KCNC1: variants seen among roughly 807,000 people sequenced by gnomAD.
KCNC1 encodes voltage-gated potassium channel KCNC1.
Under a neutral mutation model 43.4 loss-of-function variants are expected in KCNC1, and 8 were observed. The observed-to-expected ratio is 0.18, with a 90% CI of 0.11 to 0.33. KCNC1 has a LOEUF of 0.33. KCNC1 is among the 10% of genes least tolerant of loss of function. The pLI, the probability that KCNC1 is intolerant of heterozygous loss-of-function variation, is 1.00. For synonymous variants in KCNC1, 361 were observed against 360.5 expected (o/e 1.00, Z -0.01); for missense variants, 420 against 836.0 (o/e 0.50, Z 6.14).
intron 2 of KCNC1, chr11:17,772,978 TG>T: frequency 9.1e-7 from 1 of 1,100,722 alleles, no homozygotes; most frequent in Non-Finnish European, 1.1e-6. Context: ...TGGGACAGAG[TG>T]GGGGCGGGTG....
At position 17,781,359 on chromosome 11, in the gene KCNC1, G is replaced by A; in HGVS notation, c.1694-311G>A. The A allele has an allele frequency of 1.5e-5, 5 of 332,070 alleles. No individual in the cohort carries two copies. Among genetic ancestry groups the A allele is most frequent in the Non-Finnish European group, 1.7e-5 (3 of 181,210 alleles). 20.6% of individuals were successfully genotyped at this position (332,070 alleles called of 1,614,324 possible). On this transcript the variant is annotated intron_variant, in intron 3 of 3. Transcript: ENST00000265969. The surrounding 1 kb of genome is among the most constrained non-coding windows in gnomAD (Gnocchi z 5.1). ...CCCCACCTACATCCATTCGGCCCGC[G>A]CTCTCATGGAGCCACGACAGCCGCC... is the stretch of plus-strand genomic sequence containing the variant.
intron 1 of KCNC1, among the ~76,000 whole-genome samples, chr11:17,749,060 G>A (rs1848934977): frequency 6.6e-6 from 1 of 152,210 alleles, no homozygotes; most frequent in Non-Finnish European, 1.5e-5. Context: ...AGGTGTGCCG[G>A]GAGAAGATGG....
intron 1 of KCNC1, among the ~76,000 whole-genome samples, chr11:17,765,298 C>G (rs140936613): frequency 6.6e-6 from 1 of 152,204 alleles, no homozygotes; most frequent in Non-Finnish European, 1.5e-5. Flanking sequence ...CCGAACAGCT[C>G]CGATCCGAAA....
intron 1 of KCNC1, among the ~76,000 whole-genome samples, chr11:17,747,781 G>T (rs1443623928): frequency 6.6e-6 from 1 of 152,166 alleles, no homozygotes. Context: ...CCTCTGCAGG[G>T]CGTCGGATGC....
At chr11:17,768,741 T>C (rs1255273497) in intron 1 of KCNC1, among the ~76,000 whole-genome samples, 1 of 151,912 alleles carries the variant, frequency 6.6e-6, no homozygotes, top group African/African-American at 2.4e-5. Flanking sequence ...CACCGTTCGG[T>C]CATCCACAGT....
At chr11:17,740,340 T>C (rs1027856113) in intron 1 of KCNC1, among the ~76,000 whole-genome samples, 3 of 152,038 alleles carry the variant, frequency 2.0e-5, no homozygotes, top group Non-Finnish European at 2.9e-5. Context: ...GGAGAGGCTA[T>C]GAAGGGATTT....
At chr11:17,755,265 C>T (rs1434372234) in intron 1 of KCNC1, among the ~76,000 whole-genome samples, 8 of 152,080 alleles carry the variant, frequency 5.3e-5, no homozygotes, top group Non-Finnish European at 1.2e-4. Flanking sequence ...TAATGGATGA[C>T]CAGATCAAGT....
In KCNC1 at chr11:17,781,793, C is replaced by G; in HGVS notation, c.*59C>G. On this transcript the variant is annotated 3_prime_UTR_variant, in exon 4 of 4. Coordinates refer to ENST00000265969, the MANE Select transcript of KCNC1 (RefSeq NM_001112741.2). This position sits in a 1 kb window ranked among gnomAD's most constrained non-coding sequence, Gnocchi z 5.1. ...TAAGCATCTGGGTGGACCTGCAGCC[C>G]CTCCTCACCCTCGGACAGAGTAAAT... 2.6e-6 allele frequency: 3 copies of G among 1,156,308 alleles called. No homozygotes were observed. Among genetic ancestry groups the G allele is most frequent in the Non-Finnish European group, 3.8e-6 (3 of 786,642 alleles). The allele number at this position is 1,156,308 out of a possible 1,614,324, so 71.6% of individuals were successfully genotyped here.
rs10534547 is a variant in KCNC1, at chr11:17,739,673, C to CTGTGTGTG, written c.570+3123_570+3130dup. 1.3e-4 allele frequency among the ~76,000 whole-genome samples: 18 copies of CTGTGTGTG among 143,116 alleles called. No individual in the cohort carries two copies. Among genetic ancestry groups the CTGTGTGTG allele is most frequent in the African/African-American group, 4.1e-4 (16 of 39,152 alleles). 93.9% of individuals were successfully genotyped at this position (143,116 alleles called of 152,430 possible). On this transcript the variant is annotated intron_variant, in intron 1 of 3. Coordinates refer to ENST00000265969, the MANE Select transcript of KCNC1 (RefSeq NM_001112741.2). This position sits in a 1 kb window ranked among gnomAD's most constrained non-coding sequence, Gnocchi z 4.2. ...GTATATGTGGAGCTCATGTGTGAGT[C>CTGTGTGTG]TGTGTGTGTGTGTGTGTGTGTGTGT...
intron 1 of KCNC1, among the ~76,000 whole-genome samples, chr11:17,768,085 C>T (rs1056025737): frequency 1.4e-4 from 21 of 152,154 alleles, no homozygotes; most frequent in African/African-American, 4.8e-4. Context: ...TGAGCCTCCC[C>T]ATGCACTAAA....
intron 1 of KCNC1, among the ~76,000 whole-genome samples, chr11:17,769,859 A>G (rs1849203131): frequency 6.6e-6 from 1 of 152,150 alleles, no homozygotes; most frequent in Non-Finnish European, 1.5e-5. Flanking sequence ...TCCCGTTGGC[A>G]TAGCTTAGGC....
At chr11:17,765,870 G>T (rs112486034) in intron 1 of KCNC1, 3 of 152,512 alleles carry the variant, frequency 2.0e-5, no homozygotes, top group Non-Finnish European at 4.4e-5. Flanking sequence ...CAGGCATGGC[G>T]TGTAGAAGGG....
At chr11:17,747,676 T>C (rs902386718) in intron 1 of KCNC1, among the ~76,000 whole-genome samples, 4 of 152,198 alleles carry the variant, frequency 2.6e-5, no homozygotes, top group Non-Finnish European at 5.9e-5. Context: ...CCCAGCCAGC[T>C]GAGCTCAGGG....
intron 1 of KCNC1, among the ~76,000 whole-genome samples, chr11:17,740,236 G>C (rs976908908): frequency 1.3e-5 from 2 of 152,194 alleles, no homozygotes; most frequent in Non-Finnish European, 2.9e-5. Flanking sequence ...CAGCCTGAGG[G>C]GATGAGCTGG....
chr11:17,761,121 T>C lies in KCNC1; in HGVS notation c.571-10544T>C, dbSNP rs150975375. On this transcript the variant is annotated intron_variant, in intron 1 of 3. Coordinates refer to ENST00000265969, the MANE Select transcript of KCNC1 (RefSeq NM_001112741.2). ...CTCGAGGACCATGTCTCTCACTGACTGGAGGCCACAGGGCTGGATCTTGGA... is the reference window on the plus strand; with the variant it reads ...CTCGAGGACCATGTCTCTCACTGACCGGAGGCCACAGGGCTGGATCTTGGA... Among the ~76,000 whole-genome samples the C allele has an allele frequency of 4.8e-3, 734 of 152,266 alleles. 12 individuals are homozygous for C. Among genetic ancestry groups the C allele is most frequent in the Non-Finnish European group, 5.5e-3 (374 of 68,006 alleles).
intron 2 of KCNC1, chr11:17,774,723 G>C (rs1849266230): frequency 1.0e-6 from 1 of 985,358 alleles, no homozygotes; most frequent in Non-Finnish European, 1.2e-6. Context: ...CTCTGTGGCT[G>C]AGGAAGTATT....
At position 17,739,825 on chromosome 11, in the gene KCNC1, G is replaced by A. The variant is rs1010248261; in HGVS notation, c.570+3253G>A. On this transcript the variant is annotated intron_variant, in intron 1 of 3. Coordinates refer to ENST00000265969, the MANE Select transcript of KCNC1 (RefSeq NM_001112741.2). The surrounding 1 kb of genome is among the most constrained non-coding windows in gnomAD (Gnocchi z 4.2). ...TGAAATCCTGTGTGTGACAGTGTAC[G>A]TGATGTGTGTGAGAACCCACGTGTG... Among the ~76,000 whole-genome samples the A allele has an allele frequency of 2.0e-5, 3 of 151,984 alleles. No individual in the cohort carries two copies. The highest frequency in any genetic ancestry group is 2.1e-4 in the South Asian group (1 of 4,818).
rs553914492 is a variant in KCNC1 at position 17,777,213 on chromosome 11, C to T, written c.1505-2243C>T. The T allele has an allele frequency of 6.3e-5, 62 of 985,726 alleles. No homozygotes were observed. The highest frequency in any genetic ancestry group is 2.3e-4 in the East Asian group (2 of 8,758). 61.1% of individuals were successfully genotyped at this position (985,726 alleles called of 1,614,324 possible). The stretch of plus-strand genomic sequence containing the variant: ...TTCAGAGCCAGAGAAGGGTCTCAGG[C>T]GGCACCATCTCCACAGAGGCAGAGG... On this transcript the variant is annotated intron_variant, in intron 2 of 3. Coordinates refer to ENST00000265969, the MANE Select transcript of KCNC1 (RefSeq NM_001112741.2). The surrounding 1 kb of genome is among the most constrained non-coding windows in gnomAD (Gnocchi z 4.3).
Position 17,736,628 on chromosome 11 carries a change from TC to T in KCNC1, c.570+60del. On this transcript the variant is annotated intron_variant, in intron 1 of 3. Transcript: ENST00000265969. This position sits in a 1 kb window ranked among gnomAD's most constrained non-coding sequence, Gnocchi z 9.3. Reference sequence around the variant, plus strand: ...GGGCGGGAAGGCAGCGTCCTGTGCCTCCCCGCGGGCAGGGGTGGACCGGAGA... The same window carrying T: ...GGGCGGGAAGGCAGCGTCCTGTGCCTCCCGCGGGCAGGGGTGGACCGGAGA... 5 of 1,446,920 alleles carry T rather than the reference TC, an allele frequency of 3.5e-6. No homozygotes were observed. Among genetic ancestry groups the T allele is most frequent in the Non-Finnish European group, 4.5e-6 (5 of 1,106,898 alleles). 89.6% of individuals were successfully genotyped at this position (1,446,920 alleles called of 1,614,324 possible).
Sources: allele counts gnomAD v4.1 joint callset (sites outside exome capture counted in the v4.1 genomes callset), GRCh38; gene constraint gnomAD v4.1.1; non-coding constraint Gnocchi (gnomAD v3.1); transcripts MANE v1.5; gene names NCBI Gene and HGNC (gene_info 2026-07-23, HGNC 2026-07-21).